GCFC2: variants seen among roughly 807,000 people sequenced by gnomAD.
GCFC2 encodes the protein GC-rich sequence DNA-binding factor 2.
A neutral mutation model predicts 99.4 loss-of-function variants in GCFC2; 102 were observed. The ratio of observed to expected loss-of-function variants is 1.03; its 90% confidence interval spans 0.87 to 1.21. The LOEUF (loss-of-function observed/expected upper bound fraction) is 1.21, where lower values mean the gene tolerates loss of function less well. GCFC2 is among the 50% of genes most tolerant of loss of function. The pLI is 0.00. For missense variants in GCFC2, 973 were observed against 920.9 expected (o/e 1.06, Z -0.73); for synonymous variants, 338 against 316.8 (o/e 1.07, Z -0.71).
chr2:75,708,308 A>AT (rs1018867868), intron 1 of GCFC2, among the ~76,000 whole-genome samples: 1 of 152,048 alleles, frequency 6.6e-6, no homozygotes, highest in Non-Finnish European at 1.5e-5. Context: ...TAATACTATG[A>AT]TTTTTTTGGT....
intron 8 of GCFC2, 153 bp downstream of exon 8, chr2:75,690,485 G>T (rs1680017157): frequency 3.4e-6 from 2 of 592,448 alleles, no homozygotes; most frequent in Non-Finnish European, 5.9e-6. Context: ...AGCAGTCAAG[G>T]GTGGTTTTAC....
chr2:75,695,772 A>T (rs1213359710), intron 5 of GCFC2, among the ~76,000 whole-genome samples: 4 of 152,212 alleles, frequency 2.6e-5, no homozygotes, highest in African/African-American at 9.6e-5. Flanking sequence ...AGTTGATCTG[A>T]TAACTGAGAT....
At chr2:75,689,941 A>G (rs375131419) in intron 9 of GCFC2, 28 bp downstream of exon 9, 2 of 1,182,882 alleles carry the variant, frequency 1.7e-6, no homozygotes, top group South Asian at 1.3e-5. Context: ...AACTCAAACC[A>G]TGATATATTA....
chr2:75,701,368 A>G (rs1427288766), intron 3 of GCFC2, 81 bp from the exon 4 acceptor site: 12 of 777,464 alleles, frequency 1.5e-5, no homozygotes, highest in South Asian at 4.5e-5. Flanking sequence ...TTGAGATTAT[A>G]CAAAGGCTTA....
chr2:75,710,476 C>CA, intron 1 of GCFC2, 115 bp downstream of exon 1: 1 of 1,390,596 alleles, frequency 7.2e-7, no homozygotes, highest in Non-Finnish European at 9.3e-7. Flanking sequence ...TAAGACTCAG[C>CA]ATGGCTTGTG....
intron 1 of GCFC2, among the ~76,000 whole-genome samples, chr2:75,709,597 C>T (rs1176345037): frequency 6.6e-6 from 1 of 152,134 alleles, no homozygotes; most frequent in Non-Finnish European, 1.5e-5. Flanking sequence ...AAAGGGCACA[C>T]ATTTTAATTA....
At chr2:75,707,651 G>C (rs777674978) in intron 1 of GCFC2, among the ~76,000 whole-genome samples, 2 of 152,144 alleles carry the variant, frequency 1.3e-5, no homozygotes, top group Middle Eastern at 3.2e-3. Flanking sequence ...TAACACCAAA[G>C]CAGTGGGTCT....
intron 5 of GCFC2, among the ~76,000 whole-genome samples, chr2:75,695,046 AAATAT>A (rs1475587220): frequency 2.0e-5 from 3 of 152,158 alleles, no homozygotes; most frequent in Non-Finnish European, 2.9e-5. Flanking sequence ...ATAAAAAATA[AAATAT>A]AATAAAGTTA....
chr2:75,698,101 A>G (rs1270755859), intron 4 of GCFC2: 3 of 152,270 alleles, frequency 2.0e-5, no homozygotes, highest in Non-Finnish European at 2.9e-5. Context: ...CACATTAGCA[A>G]TAAAAATGAA....
In GCFC2 at chr2:75,673,519, T is replaced by A; in HGVS notation, c.1814A>T (p.Asp605Val). The A allele has an allele frequency of 1.7e-6, 2 of 1,197,784 alleles. No individual in the cohort carries two copies. The highest frequency in any genetic ancestry group is 2.5e-6 in the Non-Finnish European group (2 of 803,258). The allele number at this position is 1,197,784 out of a possible 1,614,324, so 74.2% of individuals were successfully genotyped here. Residue 605 changes from aspartate (D) to valine (V), a missense_variant and splice_region_variant, in exon 13 of 17, where the codon GAT becomes GTT. By Grantham distance (152) the Asp-to-Val change is radical. Coordinates refer to ENST00000321027, the MANE Select transcript of GCFC2 (RefSeq NM_003203.5). Reference sequence around the variant, plus strand: ...TCTTGAAACAATGGATTTAAGTAAATCCTATTATTACAAATTTGAAAAGCA... The same window carrying A: ...TCTTGAAACAATGGATTTAAGTAAAACCTATTATTACAAATTTGAAAAGCA... ...CENEVSKSRQDLLKSIVSRMK... is the reference protein window; with the variant it reads ...CENEVSKSRQVLLKSIVSRMK...
At position 75,696,332 on chromosome 2, in the gene GCFC2, A is replaced by C; in HGVS notation, c.718-17T>G. ...GTCTCTTTCCTAAAAAAGTAAAAAT[A>C]GATTTTTACAAAACCATTTATTTCA... On this transcript the variant is annotated splice_polypyrimidine_tract_variant and intron_variant, in intron 4 of 16. Transcript: ENST00000321027. 3 of 1,023,996 alleles carry C rather than the reference A, an allele frequency of 2.9e-6. No homozygotes were observed. The highest frequency in any genetic ancestry group is 4.6e-6 in the Non-Finnish European group (3 of 650,076). The allele number at this position is 1,023,996 out of a possible 1,614,324, so 63.4% of individuals were successfully genotyped here. A position where few individuals can be genotyped will look rare whatever the true frequency, so the allele number is the denominator to read the frequency against.
chr2:75,685,114 C>T (rs146216216), intron 11 of GCFC2, among the ~76,000 whole-genome samples: 74 of 152,244 alleles, frequency 4.9e-4, no homozygotes, highest in Non-Finnish European at 9.4e-4. Flanking sequence ...ATGTAGATGA[C>T]AAGTTGATGA....
At chr2:75,711,701 AG>A (rs1410831022), upstream of GCFC2, among the ~76,000 whole-genome samples, 1 of 152,214 alleles carries the variant, frequency 6.6e-6, no homozygotes, top group Non-Finnish European at 1.5e-5. Context: ...CCGGGCAGTG[AG>A]GGACTTGGCA....
At chr2:75,693,072 C>G (rs911758300) in intron 6 of GCFC2, among the ~76,000 whole-genome samples, 2 of 152,058 alleles carry the variant, frequency 1.3e-5, no homozygotes, top group Non-Finnish European at 2.9e-5. Context: ...AAGTAACTAC[C>G]AAGTGATAGT....
intron 13 of GCFC2, among the ~76,000 whole-genome samples, chr2:75,672,862 A>G (rs1368319289): frequency 6.6e-6 from 1 of 152,202 alleles, no homozygotes; most frequent in African/African-American, 2.4e-5. Context: ...ATCACCTGCT[A>G]TGTTCCTAGG....
At chr2:75,668,340 A>C (rs1289847178) in intron 15 of GCFC2, among the ~76,000 whole-genome samples, 1 of 135,096 alleles carries the variant, frequency 7.4e-6, no homozygotes, top group African/African-American at 3.1e-5. Flanking sequence ...AGTGCTAAAG[A>C]AAACAAAACA....
chr2:75,687,854 T>C lies in GCFC2; in HGVS notation c.1663A>G (p.Asn555Asp). The change falls in exon 11 of 17, where the codon AAC becomes GAC. Residue 555 changes from asparagine (N) to aspartate (D), a missense_variant. Transcript: ENST00000321027. Reference protein sequence around the residue: ...SDKKVLSAIINKTIIPRLTDF... With the variant: ...SDKKVLSAIIDKTIIPRLTDF... ...GTAAGTCGGGGAATAATTGTTTTGT[T>C]GATGATTGCAGACAAGACTTTTTTA... is the stretch of plus-strand genomic sequence containing the variant. The C allele has an allele frequency of 6.2e-7, 1 of 1,605,868 alleles. No homozygotes were observed. Among genetic ancestry groups the C allele is most frequent in the Non-Finnish European group, 8.5e-7 (1 of 1,176,820 alleles).
chr2:75,708,714 T>C (rs1680980710), intron 1 of GCFC2, among the ~76,000 whole-genome samples: 1 of 151,972 alleles, frequency 6.6e-6, no homozygotes, highest in Non-Finnish European at 1.5e-5. Flanking sequence ...TTTCACCATG[T>C]TGGCCAGGCT....
At chr2:75,672,242 AAT>A (rs908077814) in intron 13 of GCFC2, among the ~76,000 whole-genome samples, 1 of 89,782 alleles carries the variant, frequency 1.1e-5, no homozygotes, top group African/African-American at 3.7e-5. Flanking sequence ...TATATTTATA[AAT>A]ATGTTTATAA....
Sources: gnomAD v4.1 joint callset for allele counts (sites outside exome capture counted in the v4.1 genomes callset) on GRCh38, gnomAD v4.1.1 for gene constraint, MANE v1.5 for transcripts, NCBI Gene and HGNC (gene_info 2026-07-23, HGNC 2026-07-21) for gene names.